The following RPRD1A variants were observed in gnomAD, a reference collection of about 807,000 sequenced individuals.
RPRD1A encodes the protein regulation of nuclear pre-mRNA domain containing 1A.
A neutral mutation model predicts 37.8 loss-of-function variants in RPRD1A; 9 were observed. That is an observed-to-expected ratio of 0.24 (90% confidence interval 0.14 to 0.42). RPRD1A has a LOEUF of 0.42. RPRD1A is among the 10% of genes least tolerant of loss of function. The pLI, the probability that RPRD1A is intolerant of heterozygous loss-of-function variation, is 1.00. For missense variants in RPRD1A, 255 were observed against 371.0 expected (o/e 0.69, Z 2.57); for synonymous variants, 138 against 139.7 (o/e 0.99, Z 0.08).
Position 35,992,956 on chromosome 18 carries a change from G to T in RPRD1A, c.*195C>A, listed in dbSNP as rs149985496. 233 of 420,228 alleles carry T rather than the reference G, an allele frequency of 5.5e-4. 3 individuals are homozygous for T. In the East Asian group the frequency reaches 8.7e-3, roughly 16 times the overall value. 26.0% of individuals were successfully genotyped at this position (420,228 alleles called of 1,614,324 possible). ...ATTAATACACACAAATCATCACTTT[G>T]TTCAAATTAAGTCATGTTAATTTAC... On this transcript the variant is annotated 3_prime_UTR_variant, in exon 7 of 7. Coordinates refer to ENST00000399022, the MANE Select transcript of RPRD1A (RefSeq NM_018170.5).
chr18:36,020,304 A>C (rs777880623), intron 6 of RPRD1A, among the ~76,000 whole-genome samples: 7 of 152,176 alleles, frequency 4.6e-5, no homozygotes, highest in Admixed American at 2.6e-4. Context: ...TCAGCAAAAG[A>C]GTGTGCGCAT....
chr18:36,065,316 C>T (rs1449306321), intron 1 of RPRD1A, among the ~76,000 whole-genome samples: 3 of 152,038 alleles, frequency 2.0e-5, no homozygotes, highest in African/African-American at 7.3e-5. Flanking sequence ...ACCTTGTTTT[C>T]TTAGCTCAAG....
At chr18:36,009,549 G>A (rs189484457) in intron 6 of RPRD1A, among the ~76,000 whole-genome samples, 1 of 152,244 alleles carries the variant, frequency 6.6e-6, no homozygotes. Context: ...TCCATCTTCT[G>A]TGAATACTGC....
chr18:36,025,277 T>TA (rs1568128984), intron 6 of RPRD1A: 1 of 194,920 alleles, frequency 5.1e-6, no homozygotes, highest in East Asian at 1.3e-4. Context: ...CAAATGTGGA[T>TA]AATACATCCT....
At chr18:36,039,344 T>C (rs140185022) in intron 1 of RPRD1A, among the ~76,000 whole-genome samples, 104 of 152,308 alleles carry the variant, frequency 6.8e-4, no homozygotes, top group African/African-American at 2.2e-3. Context: ...TACAATTACC[T>C]AAAAAGTTGA....
intron 6 of RPRD1A, among the ~76,000 whole-genome samples, chr18:36,015,173 TACACACACACAC>T (rs368940718): frequency 6.1e-5 from 8 of 130,916 alleles, no homozygotes; most frequent in African/African-American, 1.2e-4. Context: ...TACACATATA[TACACACACACAC>T]ACACACACAC....
At chr18:35,997,748 CATAA>C (rs1273817572) in intron 6 of RPRD1A, among the ~76,000 whole-genome samples, 1 of 152,178 alleles carries the variant, frequency 6.6e-6, no homozygotes, top group African/African-American at 2.4e-5. Flanking sequence ...ACATAAAACT[CATAA>C]CTATTAAGTA....
chr18:36,025,711 C>A, intron 6 of RPRD1A: 1 of 1,208,346 alleles, frequency 8.3e-7, no homozygotes, highest in Non-Finnish European at 1.1e-6. Flanking sequence ...GTTAAAGAAA[C>A]CATACTAAAA....
chr18:36,011,570 A>T (rs1414830720), intron 6 of RPRD1A, among the ~76,000 whole-genome samples: 1 of 152,182 alleles, frequency 6.6e-6, no homozygotes, highest in African/African-American at 2.4e-5. Flanking sequence ...ACATTGATTC[A>T]GCAAGATAAA....
At chr18:36,060,370 G>C (rs1170496403) in intron 1 of RPRD1A, among the ~76,000 whole-genome samples, 1 of 151,970 alleles carries the variant, frequency 6.6e-6, no homozygotes, top group Non-Finnish European at 1.5e-5. Flanking sequence ...GAAGGTGGAG[G>C]TTGCAGTGAA....
intron 1 of RPRD1A, chr18:36,040,824 C>T (rs775664917): frequency 2.1e-5 from 32 of 1,523,080 alleles, no homozygotes; most frequent in Non-Finnish European, 2.5e-5. Context: ...TCCTGTTTGA[C>T]AAAATCTCCA....
chr18:36,033,299 C>CAA lies in RPRD1A; in HGVS notation c.281+407_281+408dup, dbSNP rs71166085. On this transcript the variant is annotated intron_variant, in intron 2 of 6. Coordinates refer to ENST00000399022, the MANE Select transcript of RPRD1A (RefSeq NM_018170.5). The stretch of plus-strand genomic sequence containing the variant: ...CCTGGGTGAGAGTGAGACTCTGTCT[C>CAA]AAAAAAAAAAAAAAAAAAAAAAAAA... Among the ~76,000 whole-genome samples the CAA allele has an allele frequency of 8.2e-3, 619 of 75,918 alleles. 26 individuals carry two copies. Among genetic ancestry groups the CAA allele is most frequent in the African/African-American group, 0.034 (580 of 17,184 alleles). The allele number at this position is 75,918 out of a possible 152,430, so 49.8% of individuals were successfully genotyped here. A position where few individuals can be genotyped will look rare whatever the true frequency, so the allele number is the denominator to read the frequency against.
In RPRD1A at chr18:36,008,575, G is replaced by GTATATA. The variant is rs201194752; in HGVS notation, c.790-15276_790-15275insTATATA. Reference sequence around the variant, plus strand: ...TGGGCGACACAGCAAGACCTTGTGTGTGTATATATATATATCTTTAAAAAT... The same window carrying GTATATA: ...TGGGCGACACAGCAAGACCTTGTGTGTATATATGTATATATATATATCTTTAAAAAT... On this transcript the variant is annotated intron_variant, in intron 6 of 6. Transcript: ENST00000399022. Among the ~76,000 whole-genome samples the GTATATA allele has an allele frequency of 9.4e-5, 4 of 42,374 alleles. 1 individual carries two copies. The highest frequency in any genetic ancestry group is 3.5e-4 in the African/African-American group (4 of 11,570). The allele number at this position is 42,374 out of a possible 152,430, so 27.8% of individuals were successfully genotyped here. A position where few individuals can be genotyped will look rare whatever the true frequency, so the allele number is the denominator to read the frequency against.
chr18:35,998,136 ATCACCTGAGG>A (rs1371801445), intron 6 of RPRD1A, among the ~76,000 whole-genome samples: 1 of 152,190 alleles, frequency 6.6e-6, no homozygotes, highest in African/African-American at 2.4e-5. Context: ...AGGCGGGCGG[ATCACCTGAGG>A]TCACGAGTTC....
At chr18:36,002,920 T>C (rs928997695) in intron 6 of RPRD1A, among the ~76,000 whole-genome samples, 1 of 152,216 alleles carries the variant, frequency 6.6e-6, no homozygotes, top group African/African-American at 2.4e-5. Flanking sequence ...CTTTATTAAA[T>C]AGCCCTTACA....
chr18:36,064,953 C>T (rs2088996974), intron 1 of RPRD1A, among the ~76,000 whole-genome samples: 1 of 151,906 alleles, frequency 6.6e-6, no homozygotes, highest in Non-Finnish European at 1.5e-5. Context: ...CAACTCCAGA[C>T]GCACTGCCTT....
chr18:36,055,892 C>A (rs952325016), intron 1 of RPRD1A, among the ~76,000 whole-genome samples: 3 of 152,056 alleles, frequency 2.0e-5, no homozygotes, highest in Non-Finnish European at 4.4e-5. Context: ...CACCCAGATA[C>A]ACAGAAAAAC....
At chr18:36,037,409 C>T (rs1157745396) in intron 1 of RPRD1A, among the ~76,000 whole-genome samples, 3 of 152,192 alleles carry the variant, frequency 2.0e-5, no homozygotes, top group African/African-American at 2.4e-5. Flanking sequence ...TGAATAAGGA[C>T]GTGTTTGCTT....
chr18:36,030,831 C>T lies in RPRD1A; in HGVS notation c.463G>A (p.Gly155Arg). The T allele has an allele frequency of 6.2e-7, 1 of 1,611,788 alleles. No individual in the cohort carries two copies. The highest frequency in any genetic ancestry group is 8.5e-7 in the Non-Finnish European group (1 of 1,178,632). ...ACCTGTGGTGGTTCACTTGGAGATC[C>T]CAGAGAGGAACAGTTTTCATTTTCA... ...VDENENCSSL[G>R]SPSEPPQTLD... The change falls in exon 4 of 7, where the codon GGA (glycine) becomes AGA (arginine). Residue 155 changes from glycine to arginine, a missense_variant. By Grantham distance (125) the Gly-to-Arg change is moderately radical. Transcript: ENST00000399022.
Sources: allele counts gnomAD v4.1 joint callset (sites outside exome capture counted in the v4.1 genomes callset), GRCh38; gene constraint gnomAD v4.1.1; transcripts MANE v1.5; gene names NCBI Gene and HGNC (gene_info 2026-07-23, HGNC 2026-07-21).